PLEKHG5: variants seen among roughly 807,000 people sequenced by gnomAD.
PLEKHG5 encodes the protein pleckstrin homology domain-containing family G member 5.
Under a neutral mutation model 103.8 loss-of-function variants are expected in PLEKHG5, and 52 were observed. The observed-to-expected ratio is 0.50, with a 90% CI of 0.40 to 0.63. The LOEUF (loss-of-function observed/expected upper bound fraction) is 0.63. Among genes scored for constraint, PLEKHG5 ranks in the 30% least tolerant of loss-of-function variants. PLEKHG5 has a pLI of 0.00. For synonymous variants in PLEKHG5, 592 were observed against 575.5 expected, an observed-to-expected ratio of 1.03 and a Z score of -0.41; for missense variants, 1,205 against 1,347.6, an observed-to-expected ratio of 0.89 and a Z score of 1.66.
At chr1:6,473,976 TCCC>T in intron 7 of PLEKHG5, 34 bp downstream of exon 7, 65 of 1,265,466 alleles carry the variant, frequency 5.1e-5, no homozygotes, top group Non-Finnish European at 6.0e-5. Context: ...CTGGGCCCCT[TCCC>T]ACCCCCTCCC....
chr1:6,469,123 T>C lies in PLEKHG5; in HGVS notation c.2168A>G (p.Glu723Gly). The C allele has an allele frequency of 1.7e-6, 2 of 1,173,412 alleles. No homozygotes were observed. The highest frequency in any genetic ancestry group is 1.6e-5 in the South Asian group (1 of 63,060). 72.7% of individuals were successfully genotyped at this position (1,173,412 alleles called of 1,614,324 possible). A position where few individuals can be genotyped will look rare whatever the true frequency, so the allele number is the denominator to read the frequency against. ...EEEEEEEEEEEGEDSGTSAAS... is the reference protein window; with the variant it reads ...EEEEEEEEEEGGEDSGTSAAS... ...AGCTGAAGTGCCACTGTCCTCGCCT[T>C]CCTCCTCCTCCTCCTCCTCCTCCTC... The change falls in exon 19 of 21, where the codon GAA becomes GGA. Residue 723 changes from glutamate (E) to glycine (G), a missense_variant. Coordinates refer to ENST00000377728, the MANE Select transcript of PLEKHG5 (RefSeq NM_020631.6).
At chr1:6,485,245 G>T in intron 1 of PLEKHG5, 1 of 968,826 alleles carries the variant, frequency 1.0e-6, no homozygotes, top group Non-Finnish European at 1.4e-6. Flanking sequence ...CCCCCTCCCT[G>T]GCCTCCCGCA....
Position 6,468,034 on chromosome 1 carries a change from GC to G in PLEKHG5, c.2801del (p.Ser934ThrfsTer8). 6.4e-7 allele frequency: 1 copy of G among 1,556,646 alleles called. No homozygotes were observed. The highest frequency in any genetic ancestry group is 1.2e-5 in the South Asian group (1 of 85,632). On this transcript the variant is annotated frameshift_variant, in exon 20 of 21. Transcript: ENST00000377728. LOFTEE classifies it high-confidence loss of function. Reference protein sequence around the residue: ...GPSWDCRGAPSPGSGPGLVGC... With the variant: ...GPSWDCRGAPXPGSGPGLVGC... ...CGACTAGCCCAGGACCGCTGCCAGG[GC>G]TAGGGGCCCCTCGGCAATCCCAGCT...
intron 1 of PLEKHG5, among the ~76,000 whole-genome samples, chr1:6,507,821 A>G (rs1015677059): frequency 6.6e-6 from 1 of 152,136 alleles, no homozygotes; most frequent in Non-Finnish European, 1.5e-5. Flanking sequence ...GGCCTTCATC[A>G]CTGGCACCCA....
intron 12 of PLEKHG5, 146 bp from the exon 13 acceptor site, chr1:6,471,246 G>A (rs1005681212): frequency 1.9e-5 from 15 of 797,934 alleles, no homozygotes; most frequent in Non-Finnish European, 2.9e-5. Context: ...GTTTCCTGAT[G>A]AGGAAACTGA....
chr1:6,475,664 C>T (rs529227969), intron 3 of PLEKHG5, 142 bp from the exon 4 acceptor site: 2 of 795,646 alleles, frequency 2.5e-6, no homozygotes, highest in South Asian at 2.8e-5. Flanking sequence ...GCCAGGCCCG[C>T]ATAGGGCTGT....
At chr1:6,482,530 A>G (rs1211012807) in intron 1 of PLEKHG5, among the ~76,000 whole-genome samples, 2 of 152,138 alleles carry the variant, frequency 1.3e-5, no homozygotes, top group Non-Finnish European at 2.9e-5. Context: ...CACTGGGGGC[A>G]TTACATGTGT....
At chr1:6,512,391 T>C (rs4073135) in intron 1 of PLEKHG5, among the ~76,000 whole-genome samples, 2,543 of 152,284 alleles carry the variant, frequency 0.017, 31 homozygotes, top group Non-Finnish European at 0.028. Flanking sequence ...CTGGGAGCCA[T>C]TCAGGCCTGG....
At chr1:6,519,871 C>T (rs1638725844) in exon 1 of PLEKHG5, 1 of 378,188 alleles carries the variant, frequency 2.6e-6, no homozygotes, top group African/African-American at 2.1e-5. Context: ...GGAATGGGCT[C>T]CCACACTGCT....
At chr1:6,499,963 C>G (rs916405509), upstream of PLEKHG5, among the ~76,000 whole-genome samples, 1 of 152,102 alleles carries the variant, frequency 6.6e-6, no homozygotes, top group Admixed American at 6.5e-5. Context: ...CCATACCTGG[C>G]TAACTTTTTA....
chr1:6,470,836 G>C lies in PLEKHG5; in HGVS notation c.1441C>G (p.Leu481Val). 1 of 1,578,118 alleles carries C rather than the reference G, an allele frequency of 6.3e-7. No homozygotes were observed. Among genetic ancestry groups the C allele is most frequent in the Non-Finnish European group, 8.6e-7 (1 of 1,162,118 alleles). ...QCQRLKLSDM[L>V]AKPHQRLTKY... ...GTGAGCCGCTGGTGGGGTTTGGCCA[G>C]CATGTCGCTCAGCTTCAGCCTCTGG... Residue 481 changes from leucine (L) to valine (V), a missense_variant, in exon 14 of 21, where the codon CTG (leucine) becomes GTG (valine). By Grantham distance (32) the Leu-to-Val change is conservative. Transcript: ENST00000377728.
intron 1 of PLEKHG5, among the ~76,000 whole-genome samples, chr1:6,508,093 A>T (rs1184836893): frequency 6.6e-6 from 1 of 152,124 alleles, no homozygotes; most frequent in African/African-American, 2.4e-5. Flanking sequence ...AGCCAACCCC[A>T]GAACATCCCC....
chr1:6,473,218 G>C (rs1037633919), intron 8 of PLEKHG5, 33 bp downstream of exon 8: 3 of 1,612,310 alleles, frequency 1.9e-6, no homozygotes, highest in Non-Finnish European at 8.5e-7. Flanking sequence ...TGGCCAGCCA[G>C]CTGCCTGACC....
intron 1 of PLEKHG5, among the ~76,000 whole-genome samples, chr1:6,504,936 C>A (rs541092236): frequency 1.1e-4 from 17 of 152,268 alleles, no homozygotes; most frequent in Admixed American, 6.5e-4. Flanking sequence ...CAATGTGGAC[C>A]GCAGGCTGAA....
In PLEKHG5 at chr1:6,467,645, C is replaced by T. The variant is rs1022712339; in HGVS notation, c.3012-73G>A. The T allele has an allele frequency of 3.3e-6, 5 of 1,527,932 alleles. No homozygotes were observed. The Admixed American group carries it at 5.0e-5, about 15-fold the overall frequency. 94.6% of individuals were successfully genotyped at this position (1,527,932 alleles called of 1,614,324 possible). On this transcript the variant is annotated intron_variant, in intron 20 of 20. Coordinates refer to ENST00000377728, the MANE Select transcript of PLEKHG5 (RefSeq NM_020631.6). ...AGAGTGGCTCTGGTCACCCTCTCTT[C>T]CCCACGGCACTCCTCAGGCCCCTTC...
chr1:6,485,774 G>A, intron 1 of PLEKHG5: 1 of 546,240 alleles, frequency 1.8e-6, no homozygotes, highest in Non-Finnish European at 2.3e-6. Context: ...CCACAGCCCC[G>A]CCTCCGCCCA....
intron 1 of PLEKHG5, among the ~76,000 whole-genome samples, chr1:6,502,777 G>A (rs1645309916): frequency 6.6e-6 from 1 of 152,248 alleles, no homozygotes; most frequent in Non-Finnish European, 1.5e-5. Flanking sequence ...GCCCCGGCCA[G>A]GGTCTGGCTG....
At chr1:6,471,159 C>G in intron 12 of PLEKHG5, 59 bp from the exon 13 acceptor site, 1 of 1,375,114 alleles carries the variant, frequency 7.3e-7, no homozygotes, top group Admixed American at 2.0e-5. Context: ...CGGGCCGGCC[C>G]GCGCCAGGCG....
At chr1:6,496,759 C>T (rs1645231693), upstream of PLEKHG5, 6 of 554,244 alleles carry the variant, frequency 1.1e-5, no homozygotes, top group Non-Finnish European at 1.9e-5. Context: ...TTTTCTCCTG[C>T]AGTCCTCAGG....
Sources: allele counts gnomAD v4.1 joint callset (sites outside exome capture counted in the v4.1 genomes callset), GRCh38; gene constraint gnomAD v4.1.1; transcripts MANE v1.5; gene names NCBI Gene and HGNC (gene_info 2026-07-23, HGNC 2026-07-21).